The following C12orf42 variants were observed in gnomAD, a reference collection of about 807,000 sequenced individuals.
C12orf42 encodes the protein chromosome 12 open reading frame 42, also known as uncharacterized protein C12orf42.
A neutral mutation model predicts 21.6 loss-of-function variants in C12orf42; 25 were observed. The observed-to-expected ratio is 1.16, with a 90% CI of 0.84 to 1.62. The LOEUF (loss-of-function observed/expected upper bound fraction) is 1.62, where lower values mean the gene tolerates loss of function less well. C12orf42 is among the 40% of genes most tolerant of loss of function. The pLI is 0.00. For missense variants in C12orf42, 483 were observed against 459.3 expected (o/e 1.05, Z -0.47); for synonymous variants, 174 against 175.0 (o/e 0.99, Z 0.05).
chr12:103,337,910 T>C (rs191761209), intron 4 of C12orf42, among the ~76,000 whole-genome samples: 15 of 152,302 alleles, frequency 9.8e-5, no homozygotes, highest in Non-Finnish European at 1.9e-4. Context: ...ATCAAGTCTC[T>C]ACCTGACCTC....
chr12:103,418,556 T>C (rs1305554435), intron 2 of C12orf42, among the ~76,000 whole-genome samples: 1 of 152,164 alleles, frequency 6.6e-6, no homozygotes, highest in Non-Finnish European at 1.5e-5. Context: ...ATAAACACAA[T>C]ACTTTTTGGT....
chr12:103,092,232 G>A, the C12orf42 span, among the ~76,000 whole-genome samples: 2 of 152,200 alleles, frequency 1.3e-5, no homozygotes, highest in African/African-American at 2.4e-5. Context: ...AAGTAAACGA[G>A]TTGTTTGTTT....
intron 2 of C12orf42, among the ~76,000 whole-genome samples, chr12:103,405,502 A>C (rs1192949934): frequency 6.6e-6 from 1 of 152,158 alleles, no homozygotes; most frequent in Non-Finnish European, 1.5e-5. Flanking sequence ...TTCAAACTGG[A>C]GTCTTGATCA....
chr12:103,066,206 A>T, the C12orf42 span, among the ~76,000 whole-genome samples: 1,799 of 152,250 alleles, frequency 0.012, 42 homozygotes, highest in African/African-American at 0.041. Flanking sequence ...TCATCATGTG[A>T]CCTGAACTGC....
chr12:103,210,497 A>G, the C12orf42 span, among the ~76,000 whole-genome samples: 37 of 152,248 alleles, frequency 2.4e-4, no homozygotes, highest in African/African-American at 8.4e-4. Context: ...CTGTGGGGCC[A>G]TCATCAGGGG....
intron 4 of C12orf42, among the ~76,000 whole-genome samples, chr12:103,327,524 G>A (rs1593450561): frequency 1.3e-5 from 2 of 152,180 alleles, no homozygotes; most frequent in African/African-American, 2.4e-5. Flanking sequence ...AGTAAGGTTG[G>A]TTGAGGAAAG....
chr12:103,173,665 A>G, the C12orf42 span, among the ~76,000 whole-genome samples: 2 of 151,642 alleles, frequency 1.3e-5, no homozygotes, highest in East Asian at 1.9e-4. Flanking sequence ...GCCTTCCATT[A>G]AACAAATGCA....
intron 4 of C12orf42, among the ~76,000 whole-genome samples, chr12:103,355,981 G>A (rs960882570): frequency 1.3e-5 from 2 of 151,992 alleles, no homozygotes; most frequent in Non-Finnish European, 2.9e-5. Context: ...TAAATCCTAG[G>A]AGTTAGATAT....
At chr12:103,248,060 G>A (rs2034098798) in intron 10 of C12orf42, among the ~76,000 whole-genome samples, 1 of 151,968 alleles carries the variant, frequency 6.6e-6, no homozygotes, top group African/African-American at 2.4e-5. Context: ...CTTCAGCTCA[G>A]GTCTTTCTGC....
chr12:103,218,252 C>T, the C12orf42 span, among the ~76,000 whole-genome samples: 1 of 149,746 alleles, frequency 6.7e-6, no homozygotes, highest in African/African-American at 2.5e-5. Context: ...TGAACTCCAG[C>T]CTGGGCAACA....
the C12orf42 span, among the ~76,000 whole-genome samples, chr12:103,052,094 T>G: frequency 6.6e-6 from 1 of 152,184 alleles, no homozygotes. Context: ...AGTTTCTTTA[T>G]TTTACTATTG....
chr12:103,107,859 G>T, the C12orf42 span, among the ~76,000 whole-genome samples: 6 of 150,966 alleles, frequency 4.0e-5, no homozygotes, highest in Non-Finnish European at 7.4e-5. Context: ...AAAGAGAGAA[G>T]AAAGAAATAG....
intron 4 of C12orf42, among the ~76,000 whole-genome samples, chr12:103,308,590 G>C (rs1236407594): frequency 3.3e-5 from 5 of 152,194 alleles, no homozygotes; most frequent in African/African-American, 1.2e-4. Context: ...TAAGTGTTTA[G>C]AGCTTTGGGA....
the C12orf42 span, among the ~76,000 whole-genome samples, chr12:103,187,690 T>C: frequency 2.0e-5 from 3 of 152,146 alleles, no homozygotes; most frequent in African/African-American, 7.2e-5. Context: ...GGTAATAATG[T>C]CCTAAGTTAA....
At chr12:103,490,185 A>G (rs997233698) in intron 1 of C12orf42, among the ~76,000 whole-genome samples, 1 of 152,208 alleles carries the variant, frequency 6.6e-6, no homozygotes, top group Non-Finnish European at 1.5e-5. Flanking sequence ...CTAACAGCCT[A>G]TCTTCTGTAT....
chr12:103,460,594 T>G (rs1952633143), intron 2 of C12orf42, among the ~76,000 whole-genome samples: 1 of 152,168 alleles, frequency 6.6e-6, no homozygotes, highest in Non-Finnish European at 1.5e-5. Flanking sequence ...CTTAAAGGTT[T>G]CTGAAGTTGG....
chr12:103,521,136 A>G, the C12orf42 span, among the ~76,000 whole-genome samples: 2 of 152,226 alleles, frequency 1.3e-5, no homozygotes, highest in Non-Finnish European at 2.9e-5. Flanking sequence ...GCACTGTGGA[A>G]ATAATTAATT....
chr12:103,375,114 T>C (rs1295160582), intron 3 of C12orf42, among the ~76,000 whole-genome samples: 1 of 152,154 alleles, frequency 6.6e-6, no homozygotes, highest in Non-Finnish European at 1.5e-5. Context: ...TAGCAAGACC[T>C]CCATGGAATT....
chr12:103,064,060 A>G, the C12orf42 span, among the ~76,000 whole-genome samples: 22,985 of 152,144 alleles, frequency 0.15, 2,235 homozygotes, highest in East Asian at 0.51. Flanking sequence ...TACTGTAGAG[A>G]AAAGGATCCA....
Sources: gnomAD v4.1 joint callset for allele counts (sites outside exome capture counted in the v4.1 genomes callset) on GRCh38, gnomAD v4.1.1 for gene constraint, MANE v1.5 for transcripts, NCBI Gene and HGNC (gene_info 2026-07-23, HGNC 2026-07-21) for gene names.